The following CDC6 variants were observed in gnomAD, a reference collection of about 807,000 sequenced individuals.
CDC6 encodes cell division cycle 6.
CDC6 carries 46 observed loss-of-function variants against 60.2 expected under a neutral mutation model. That is an observed-to-expected ratio of 0.76 (90% CI 0.60 to 0.98). CDC6 has a LOEUF of 0.98. Among genes scored for constraint, CDC6 ranks in the 50% least tolerant of loss-of-function variants. CDC6 has a pLI of 0.00. For missense variants in CDC6, 596 were observed against 652.9 expected (o/e 0.91, Z 0.95); for synonymous variants, 210 against 233.2 (o/e 0.90, Z 0.90).
chr17:40,295,214 T>G (rs576817620), intron 7 of CDC6, 142 bp from the exon 8 acceptor site: 141 of 693,158 alleles, frequency 2.0e-4, no homozygotes, highest in Non-Finnish European at 3.3e-4. Flanking sequence ...CCATTATTTA[T>G]GAGAAGAAAA....
intron 10 of CDC6, among the ~76,000 whole-genome samples, 158 bp downstream of exon 10, chr17:40,301,188 T>C (rs770381552): frequency 2.0e-5 from 3 of 152,242 alleles, no homozygotes; most frequent in Non-Finnish European, 4.4e-5. Flanking sequence ...AAGGCACCTA[T>C]TTCCCTTGGA....
At chr17:40,301,890 A>C (rs760715213) in intron 11 of CDC6, 22 bp from the exon 12 acceptor site, 50 of 1,481,452 alleles carry the variant, frequency 3.4e-5, no homozygotes, top group Non-Finnish European at 4.5e-5. Flanking sequence ...CAGTGTGAAA[A>C]ATCCTTTTCT....
At chr17:40,292,300 A>G (rs4135007) in intron 4 of CDC6, among the ~76,000 whole-genome samples, 2,304 of 147,462 alleles carry the variant, frequency 0.016, 30 homozygotes, top group Non-Finnish European at 0.023. Flanking sequence ...AAGTGCTGGG[A>G]TTACAGGTGT....
At chr17:40,292,634 C>T (rs1367778983) in intron 4 of CDC6, among the ~76,000 whole-genome samples, 1 of 148,082 alleles carries the variant, frequency 6.8e-6, no homozygotes, top group Non-Finnish European at 1.5e-5. Context: ...GACTCTGTCT[C>T]AAAAGAAAAA....
intron 9 of CDC6, among the ~76,000 whole-genome samples, chr17:40,300,505 A>G (rs375772043): frequency 1.2e-4 from 18 of 152,202 alleles, no homozygotes; most frequent in East Asian, 3.8e-4. Flanking sequence ...AAAAAAATAC[A>G]GTAGTTCTCT....
At chr17:40,295,578 C>T (rs2032845910) in intron 8 of CDC6, 122 bp downstream of exon 8, 3 of 710,550 alleles carry the variant, frequency 4.2e-6, no homozygotes, top group South Asian at 1.6e-5. Flanking sequence ...TTTTTACGCT[C>T]AGAAAGGAGG....
At chr17:40,288,549 A>G (rs1391794129) in intron 1 of CDC6, among the ~76,000 whole-genome samples, 6 of 141,376 alleles carry the variant, frequency 4.2e-5, no homozygotes, top group Non-Finnish European at 6.0e-5. Context: ...CTCTTCATGT[A>G]GCTGGGACTA....
intron 6 of CDC6, 43 bp downstream of exon 6, chr17:40,294,099 T>A: frequency 1.4e-6 from 2 of 1,390,486 alleles, no homozygotes; most frequent in Non-Finnish European, 2.0e-6. Context: ...TTCTAAAGTA[T>A]TTTTTAAGAA....
At chr17:40,295,944 G>A (rs114266210) in intron 8 of CDC6, among the ~76,000 whole-genome samples, 74 of 151,922 alleles carry the variant, frequency 4.9e-4, no homozygotes, top group African/African-American at 1.7e-3. Flanking sequence ...CCTCTGTGCC[G>A]ACTGATGAAA....
rs761076265 is a variant in CDC6 at position 40,293,940 on chromosome 17, C to T, written c.837-10C>T. The T allele has an allele frequency of 1.8e-5, 29 of 1,603,396 alleles. No homozygotes were observed. Among genetic ancestry groups the T allele is most frequent in the Non-Finnish European group, 2.4e-5 (28 of 1,170,376 alleles). On this transcript the variant is annotated splice_polypyrimidine_tract_variant and intron_variant, in intron 5 of 11. Coordinates refer to ENST00000209728, the MANE Select transcript of CDC6 (RefSeq NM_001254.4). The stretch of plus-strand genomic sequence containing the variant: ...GTGAATATGGATACTAACTGTTTCT[C>T]TTTTTATAGTGTGTTGGTATTGGAC...
chr17:40,300,863 GT>G lies in CDC6; in HGVS notation c.1287del (p.Gly430ValfsTer17). The G allele has an allele frequency of 6.2e-7, 1 of 1,614,124 alleles. No individual in the cohort carries two copies. The highest frequency in any genetic ancestry group is 8.5e-7 in the Non-Finnish European group (1 of 1,179,986). On this transcript the variant is annotated frameshift_variant, in exon 10 of 12. Coordinates refer to ENST00000209728, the MANE Select transcript of CDC6 (RefSeq NM_001254.4). LOFTEE classifies it high-confidence loss of function. ...SPSEPLIPKR[V>X]GLIHISQVIS... Reference sequence around the variant, plus strand: ...TTCTGAGCCTCTGATTCCCAAGAGGGTTGGTCTTATTCACATATCCCAAGTC... The same window carrying G: ...TTCTGAGCCTCTGATTCCCAAGAGGGTGGTCTTATTCACATATCCCAAGTC...
chr17:40,295,142 A>G lies in CDC6; in HGVS notation c.1084-214A>G, dbSNP rs548621954. On this transcript the variant is annotated intron_variant, in intron 7 of 11. Transcript: ENST00000209728. ...ATTTCAGTTCTGATTGCTTTTTTCC[A>G]TTTATGAACTTCTACTGCATCCGTA... Among the ~76,000 whole-genome samples the G allele has an allele frequency of 1.3e-4, 20 of 152,242 alleles. No homozygotes were observed. The South Asian group carries it at 4.1e-3, about 32-fold the overall frequency.
In CDC6 at chr17:40,303,925, A is replaced by G. The variant is rs757734661; in HGVS notation, c.*1924A>G. The G allele has an allele frequency of 6.6e-6, 1 of 152,196 alleles. No individual in the cohort carries two copies. Among genetic ancestry groups the G allele is most frequent in the Non-Finnish European group, 1.5e-5 (1 of 68,034 alleles). 9.4% of individuals were successfully genotyped at this position (152,196 alleles called of 1,614,324 possible). On this transcript the variant is annotated 3_prime_UTR_variant, in exon 12 of 12. Transcript: ENST00000209728. ...TGTCCACAGTAGGATCCTGCCCAAT[A>G]AGGAGCAGCCTCCCCACCTCATTGT...
chr17:40,298,526 C>G (rs2143102833), intron 9 of CDC6, among the ~76,000 whole-genome samples: 1 of 152,102 alleles, frequency 6.6e-6, no homozygotes, highest in Non-Finnish European at 1.5e-5. Context: ...AAGCAGTCCT[C>G]TCACCTCAGC....
rs763890621 is a variant in CDC6, at chr17:40,291,637, C to T, written c.629C>T (p.Ala210Val). ...GGTGCTCCTGGAACTGGAAAAACTG[C>T]CTGCTTAAGCCGGATTCTGCAAGAC... is the stretch of plus-strand genomic sequence containing the variant. ...LSGAPGTGKT[A>V]CLSRILQDLK... Residue 210 changes from alanine to valine, a missense_variant, in exon 4 of 12, where the codon GCC (alanine) becomes GTC (valine). Coordinates refer to ENST00000209728, the MANE Select transcript of CDC6 (RefSeq NM_001254.4). 8 of 1,614,100 alleles carry T rather than the reference C, an allele frequency of 5.0e-6. No individual in the cohort carries two copies. In the East Asian group the frequency reaches 1.6e-4, roughly 31 times the overall value.
rs1229550129 is a variant in CDC6, at chr17:40,291,681, T to C, written c.660+13T>C. ...GCAAGACCTCAAGGTACATTGAGAG[T>C]CTGAATTATGATACTCTTGGTAAAA... On this transcript the variant is annotated intron_variant, in intron 4 of 11. Transcript: ENST00000209728. The C allele has an allele frequency of 6.2e-7, 1 of 1,604,600 alleles. No individual in the cohort carries two copies. The highest frequency in any genetic ancestry group is 8.5e-7 in the Non-Finnish European group (1 of 1,171,350).
In CDC6 at chr17:40,291,050, T is replaced by G. The variant is rs763443438; in HGVS notation, c.179-8T>G. 3 of 1,613,888 alleles carry G rather than the reference T, an allele frequency of 1.9e-6. No homozygotes were observed. In the East Asian group the frequency reaches 6.7e-5, roughly 36 times the overall value. ...GAGTGACTACATTTTTATTTTATTG[T>G]GTTTCAGGCGATGACAACCTATGCA... On this transcript the variant is annotated splice_polypyrimidine_tract_variant and splice_region_variant and intron_variant, in intron 2 of 11. Coordinates refer to ENST00000209728, the MANE Select transcript of CDC6 (RefSeq NM_001254.4).
At chr17:40,292,006 CA>C (rs778602141) in intron 4 of CDC6, among the ~76,000 whole-genome samples, 1 of 152,142 alleles carries the variant, frequency 6.6e-6, no homozygotes, top group African/African-American at 2.4e-5. Flanking sequence ...GTTGGCCTCC[CA>C]AAGTGTTGGG....
chr17:40,300,379 C>G (rs2032921732), intron 9 of CDC6, among the ~76,000 whole-genome samples: 1 of 152,116 alleles, frequency 6.6e-6, no homozygotes. Context: ...TACCTGTAAT[C>G]CTAGCTACAC....
Sources: gnomAD v4.1 joint callset for allele counts (sites outside exome capture counted in the v4.1 genomes callset) on GRCh38, gnomAD v4.1.1 for gene constraint, MANE v1.5 for transcripts, NCBI Gene and HGNC (gene_info 2026-07-23, HGNC 2026-07-21) for gene names.